Variants in NAALADL2 observed in about 807,000 individuals in gnomAD.
NAALADL2 encodes inactive N-acetylated-alpha-linked acidic dipeptidase-like protein 2.
NAALADL2 carries 76 observed loss-of-function variants against 87.2 expected under a neutral mutation model. That is an observed-to-expected ratio of 0.87 (90% CI 0.72 to 1.05). The LOEUF (loss-of-function observed/expected upper bound fraction) is 1.05, where lower values mean the gene tolerates loss of function less well. Among genes scored for constraint, NAALADL2 ranks in the 50% least tolerant of loss-of-function variants. The pLI is 0.00. For synonymous variants in NAALADL2, 354 were observed against 331.0 expected, an observed-to-expected ratio of 1.07 and a Z score of -0.75; for missense variants, 1,089 against 945.8, an observed-to-expected ratio of 1.15 and a Z score of -1.99.
chr3:175,705,800 T>TGACCCA (rs1739604849), intron 11 of NAALADL2, among the ~76,000 whole-genome samples: 1 of 152,102 alleles, frequency 6.6e-6, no homozygotes, highest in South Asian at 2.1e-4. Flanking sequence ...GGAGTTAGCT[T>TGACCCA]GACCCAGACC....
chr3:175,181,737 G>T (rs979499802), intron 2 of NAALADL2, among the ~76,000 whole-genome samples: 1 of 62,738 alleles, frequency 1.6e-5, no homozygotes, highest in Admixed American at 1.8e-4. Flanking sequence ...GTATATATGT[G>T]TATATATGTA....
At chr3:175,487,672 A>G (rs1372756149) in intron 9 of NAALADL2, 2 of 348,452 alleles carry the variant, frequency 5.7e-6, no homozygotes, top group South Asian at 4.4e-5. Context: ...TCCACATATC[A>G]TTATAAGTTT....
intron 10 of NAALADL2, among the ~76,000 whole-genome samples, chr3:175,608,124 T>C (rs1358305135): frequency 1.3e-5 from 2 of 151,444 alleles, no homozygotes; most frequent in South Asian, 2.1e-4. Context: ...ACAGATGTTA[T>C]TATTAATTAC....
intron 13 of NAALADL2, among the ~76,000 whole-genome samples, chr3:175,789,169 TTG>T (rs545892455): frequency 4.1e-4 from 62 of 152,314 alleles, no homozygotes; most frequent in African/African-American, 1.4e-3. Flanking sequence ...GAGATTGCTT[TTG>T]TAATTCTTTT....
chr3:174,654,060 TTGTGTGTG>T lies in NAALADL2; in HGVS notation c.-114-83547_-114-83540del, dbSNP rs137877260. Among the ~76,000 whole-genome samples, 1,071 of 144,022 alleles carry T rather than the reference TTGTGTGTG, an allele frequency of 7.4e-3. 14 individuals carry two copies. Among genetic ancestry groups the T allele is most frequent in the African/African-American group, 0.023 (926 of 39,464 alleles). 94.5% of individuals were successfully genotyped at this position (144,022 alleles called of 152,430 possible). A position where few individuals can be genotyped will look rare whatever the true frequency, so the allele number is the denominator to read the frequency against. ...CATAATATTTAGTAATAAGATGGCT[TTGTGTGTG>T]TGTGTGTGTGTGTGTGTGTGTGTGT... On this transcript the variant is annotated intron_variant, in intron 2 of 3. Coordinates refer to the NAALADL2 transcript ENST00000434257.
At chr3:175,490,922 C>G (rs1043554070) in intron 9 of NAALADL2, among the ~76,000 whole-genome samples, 1 of 151,942 alleles carries the variant, frequency 6.6e-6, no homozygotes, top group African/African-American at 2.4e-5. Flanking sequence ...ACTTGAGGTA[C>G]GAGATTTTAG....
chr3:175,610,185 T>C (rs1724417643), intron 10 of NAALADL2, among the ~76,000 whole-genome samples: 1 of 152,132 alleles, frequency 6.6e-6, no homozygotes, highest in African/African-American at 2.4e-5. Flanking sequence ...TAGGAAAACA[T>C]AGAGGATCAC....
chr3:175,128,510 T>C (rs980161585), intron 2 of NAALADL2, among the ~76,000 whole-genome samples: 2 of 152,194 alleles, frequency 1.3e-5, no homozygotes, highest in Non-Finnish European at 2.9e-5. Flanking sequence ...TGCTGAGATT[T>C]CATTTATTTG....
intron 1 of NAALADL2, among the ~76,000 whole-genome samples, chr3:175,032,625 T>C (rs565924516): frequency 2.6e-5 from 4 of 152,092 alleles, no homozygotes; most frequent in Non-Finnish European, 5.9e-5. Flanking sequence ...TGGCAGGCTC[T>C]TTCCCAGATG....
chr3:175,421,086 G>T (rs751946927), intron 5 of NAALADL2, among the ~76,000 whole-genome samples: 4 of 151,516 alleles, frequency 2.6e-5, no homozygotes, highest in Non-Finnish European at 5.9e-5. Context: ...AGTTTTCTTT[G>T]CATAATAAAG....
At chr3:175,663,517 A>C (rs1455040798) in intron 11 of NAALADL2, among the ~76,000 whole-genome samples, 2 of 147,982 alleles carry the variant, frequency 1.4e-5, no homozygotes, top group African/African-American at 5.3e-5. Flanking sequence ...ATGTTTTGGT[A>C]ATCTTTTCTA....
intron 10 of NAALADL2, among the ~76,000 whole-genome samples, chr3:175,590,823 C>G (rs541616002): frequency 6.6e-6 from 1 of 152,122 alleles, no homozygotes; most frequent in East Asian, 1.9e-4. Context: ...TAAAAGTGTG[C>G]ATAAATCAGG....
At chr3:175,703,058 C>T (rs1483581382) in intron 11 of NAALADL2, among the ~76,000 whole-genome samples, 1 of 152,130 alleles carries the variant, frequency 6.6e-6, no homozygotes, top group Non-Finnish European at 1.5e-5. Flanking sequence ...AATGTAGTCT[C>T]ATCATTGACA....
chr3:175,521,924 A>G (rs1732713493), intron 9 of NAALADL2, among the ~76,000 whole-genome samples: 1 of 152,186 alleles, frequency 6.6e-6, no homozygotes, highest in African/African-American at 2.4e-5. Context: ...TTGATGATAG[A>G]TTTTTATTAA....
intron 2 of NAALADL2, among the ~76,000 whole-genome samples, chr3:175,117,259 A>G (rs899300713): frequency 3.1e-5 from 3 of 96,776 alleles, no homozygotes; most frequent in African/African-American, 5.1e-5. Flanking sequence ...AAAATTGACA[A>G]ATGGGATCTA....
intron 13 of NAALADL2, among the ~76,000 whole-genome samples, chr3:175,782,034 C>T (rs1387037002): frequency 2.6e-5 from 4 of 151,064 alleles, no homozygotes; most frequent in African/African-American, 9.7e-5. Context: ...AGGACATGAA[C>T]TCATCATTTT....
chr3:175,176,201 AT>A (rs1001619322), intron 2 of NAALADL2, among the ~76,000 whole-genome samples: 31 of 148,894 alleles, frequency 2.1e-4, no homozygotes, highest in African/African-American at 4.9e-4. Flanking sequence ...GGAAAATGAC[AT>A]TTTTTTTTTC....
At chr3:174,742,289 G>A (rs1678113264) in intron 3 of NAALADL2, among the ~76,000 whole-genome samples, 1 of 151,624 alleles carries the variant, frequency 6.6e-6, no homozygotes, top group Non-Finnish European at 1.5e-5. Flanking sequence ...ACTGTCTAGT[G>A]GGGGATACAA....
intron 3 of NAALADL2, among the ~76,000 whole-genome samples, chr3:174,772,770 G>A (rs978432013): frequency 6.6e-6 from 1 of 152,068 alleles, no homozygotes; most frequent in Non-Finnish European, 1.5e-5. Flanking sequence ...CACAAGAGAG[G>A]AACCCATGAA....
Sources: gnomAD v4.1 joint callset for allele counts (sites outside exome capture counted in the v4.1 genomes callset) on GRCh38, gnomAD v4.1.1 for gene constraint, MANE v1.5 for transcripts, NCBI Gene and HGNC (gene_info 2026-07-23, HGNC 2026-07-21) for gene names.